The following LMO7 variants were observed in gnomAD, a reference collection of about 807,000 sequenced individuals.
LMO7 encodes LIM domain only protein 7.
Under a neutral mutation model 206.5 loss-of-function variants are expected in LMO7, and 120 were observed. That is an observed-to-expected ratio of 0.58 (90% CI 0.50 to 0.68). LMO7 has a LOEUF of 0.68. Among genes scored for constraint, LMO7 ranks in the 30% least tolerant of loss-of-function variants. LMO7 has a pLI of 0.00. For missense variants in LMO7, 1,959 were observed against 1,957.9 expected (o/e 1.00, Z -0.01); for synonymous variants, 706 against 681.5 (o/e 1.04, Z -0.56).
intron 1 of LMO7, among the ~76,000 whole-genome samples, chr13:75,694,911 A>T (rs1326673399): frequency 2.6e-5 from 4 of 152,132 alleles, no homozygotes; most frequent in Non-Finnish European, 5.9e-5. Flanking sequence ...CTCAGGGAGA[A>T]TCGAAGGAGG....
At chr13:75,769,550 T>A (rs2049358399) in intron 4 of LMO7, among the ~76,000 whole-genome samples, 1 of 152,162 alleles carries the variant, frequency 6.6e-6, no homozygotes, top group African/African-American at 2.4e-5. Context: ...TGTAAATGAT[T>A]GATATTTTTA....
intron 1 of LMO7, among the ~76,000 whole-genome samples, chr13:75,689,635 G>A (rs546324991): frequency 1.2e-4 from 18 of 152,250 alleles, no homozygotes; most frequent in Admixed American, 3.9e-4. Context: ...GGCAAAAGAC[G>A]GTGGAAAGAG....
chr13:75,781,096 C>CTTTTTTTTTTTTTTTTTCTTTTTTTTTT (rs2051285777), intron 4 of LMO7, among the ~76,000 whole-genome samples: 1 of 41,924 alleles, frequency 2.4e-5, no homozygotes, highest in Non-Finnish European at 4.1e-5. Flanking sequence ...CTCTATTTTC[C>CTTTTTTTTTTTTTTTTTCTTTTTTTTTT]TTTTTTTTTT....
At chr13:75,661,742 C>A (rs905836322) in intron 1 of LMO7, among the ~76,000 whole-genome samples, 2 of 152,146 alleles carry the variant, frequency 1.3e-5, no homozygotes. Flanking sequence ...CTTGCCCCTC[C>A]CGTGCTTTAT....
chr13:75,765,508 TGAAAA>T (rs2048748222), intron 4 of LMO7, among the ~76,000 whole-genome samples: 1 of 151,930 alleles, frequency 6.6e-6, no homozygotes, highest in Non-Finnish European at 1.5e-5. Flanking sequence ...GAGCATAAAA[TGAAAA>T]GGAAGTTTAT....
intron 2 of LMO7, among the ~76,000 whole-genome samples, chr13:75,725,498 G>T (rs986212945): frequency 6.6e-6 from 1 of 152,110 alleles, no homozygotes; most frequent in African/African-American, 2.4e-5. Context: ...TGCATTGCAA[G>T]AATGCCACCA....
At chr13:75,733,680 A>AT (rs2045512544) in intron 3 of LMO7, among the ~76,000 whole-genome samples, 1 of 152,190 alleles carries the variant, frequency 6.6e-6, no homozygotes, top group Non-Finnish European at 1.5e-5. Flanking sequence ...TGAACACGGT[A>AT]CTGCAGATGG....
intron 26 of LMO7, 29 bp from the exon 27 acceptor site, chr13:75,849,043 ACTAATCC>A: frequency 7.9e-7 from 1 of 1,266,534 alleles, no homozygotes; most frequent in African/African-American, 1.5e-5. Context: ...TTTAAAAGGT[ACTAATCC>A]CAAAGCTTTT....
chr13:75,838,899 A>T (rs1595443770), intron 20 of LMO7, among the ~76,000 whole-genome samples: 1 of 152,304 alleles, frequency 6.6e-6, no homozygotes, highest in East Asian at 1.9e-4. Flanking sequence ...TTTGCTACTA[A>T]GAACTTAAAA....
At chr13:75,799,433 C>T (rs2054460316) in intron 6 of LMO7, among the ~76,000 whole-genome samples, 1 of 152,114 alleles carries the variant, frequency 6.6e-6, no homozygotes, top group African/African-American at 2.4e-5. Flanking sequence ...TTAATATAAA[C>T]TGCAGATGTA....
intron 26 of LMO7, among the ~76,000 whole-genome samples, chr13:75,848,802 G>A (rs1449364425): frequency 6.6e-6 from 1 of 152,174 alleles, no homozygotes; most frequent in African/African-American, 2.4e-5. Flanking sequence ...TCAAATGGTA[G>A]ACCTACTTAT....
chr13:75,703,740 G>GTGTGTGTGTGTGCGCA (rs1555297527), intron 1 of LMO7, among the ~76,000 whole-genome samples: 12 of 115,082 alleles, frequency 1.0e-4, no homozygotes, highest in African/African-American at 4.5e-4. Flanking sequence ...GTGTGTGTGT[G>GTGTGTGTGTGTGCGCA]CACTGTGAGG....
At chr13:75,672,920 T>C (rs2039713131) in intron 1 of LMO7, among the ~76,000 whole-genome samples, 1 of 37,296 alleles carries the variant, frequency 2.7e-5, no homozygotes, top group African/African-American at 7.1e-5. Flanking sequence ...TGACTTGATA[T>C]GTGTGTGTGT....
At chr13:75,653,786 T>C (rs550968541) in intron 1 of LMO7, among the ~76,000 whole-genome samples, 1 of 152,318 alleles carries the variant, frequency 6.6e-6, no homozygotes, top group Admixed American at 6.5e-5. Context: ...CCTAGTGAAC[T>C]TACACTTGCA....
At chr13:75,677,260 T>C (rs1336171199) in intron 1 of LMO7, among the ~76,000 whole-genome samples, 2 of 152,238 alleles carry the variant, frequency 1.3e-5, no homozygotes, top group Admixed American at 6.5e-5. Context: ...TTATTTACTT[T>C]ATGGTTTCTA....
intron 3 of LMO7, among the ~76,000 whole-genome samples, chr13:75,753,315 G>A (rs2047420536): frequency 6.6e-6 from 1 of 152,176 alleles, no homozygotes; most frequent in African/African-American, 2.4e-5. Context: ...TCAGTCTGCT[G>A]TTGGATGTAT....
Position 75,821,312 on chromosome 13 carries a change from G to A in LMO7, c.2343G>A (p.Glu781=). 4 of 1,614,148 alleles carry A rather than the reference G, an allele frequency of 2.5e-6. No individual in the cohort carries two copies. The highest frequency in any genetic ancestry group is 3.4e-6 in the Non-Finnish European group (4 of 1,180,016). Reference sequence around the variant, plus strand: ...GTTACCAGAGTGAGAGAGTAGAAGAGAAGGGAGCAACTTATCCTTCAGAAA... The same window carrying A: ...GTTACCAGAGTGAGAGAGTAGAAGAAAAGGGAGCAACTTATCCTTCAGAAA... ...EASYQSERVE[E]KGATYPSEIP... The change falls in exon 14 of 31, where the codon GAG becomes GAA. Residue 781 remains glutamate (E), a synonymous_variant. Transcript: ENST00000377534.
chr13:75,841,321 C>G (rs2059542033), intron 23 of LMO7, 120 bp downstream of exon 23: 4 of 677,478 alleles, frequency 5.9e-6, no homozygotes, highest in Non-Finnish European at 7.5e-6. Context: ...CTGTGTAGCT[C>G]TTTGAAAAAT....
intron 19 of LMO7, 33 bp from the exon 20 acceptor site, chr13:75,838,107 G>C (rs747085856): frequency 4.9e-5 from 63 of 1,278,530 alleles, no homozygotes; most frequent in Non-Finnish European, 6.7e-5. Context: ...AAATAAAAAT[G>C]AATGACATAG....
Sources: gnomAD v4.1 joint callset for allele counts (sites outside exome capture counted in the v4.1 genomes callset) on GRCh38, gnomAD v4.1.1 for gene constraint, MANE v1.5 for transcripts, NCBI Gene and HGNC (gene_info 2026-07-23, HGNC 2026-07-21) for gene names.